MMP26: variants seen among roughly 807,000 people sequenced by gnomAD.
The protein encoded by MMP26 is matrix metallopeptidase 26, also known as matrix metalloproteinase-26.
In MMP26, 33 loss-of-function variants were observed where a neutral mutation model predicts 31.0. The ratio of observed to expected loss-of-function variants is 1.06; its 90% CI spans 0.81 to 1.42. MMP26 has a LOEUF of 1.42. Ranked by LOEUF, MMP26 falls within the 40% of genes most tolerant of loss-of-function variation. The probability of loss-of-function intolerance (pLI) is 0.00; values close to 1 mark genes in which losing one functional copy is unlikely to be tolerated. For missense variants in MMP26, 347 were observed against 316.1 expected (o/e 1.10, Z -0.74); for synonymous variants, 122 against 114.9 (o/e 1.06, Z -0.40).
chr11:4,986,954 TCTCTCC>T (rs1846907931), intron 2 of MMP26, among the ~76,000 whole-genome samples: 6 of 143,140 alleles, frequency 4.2e-5, no homozygotes, highest in East Asian at 2.1e-4. Context: ...TCTCTCTCTC[TCTCTCC>T]CTCTCTCTCT....
In MMP26 at chr11:4,841,261, A is replaced by G. The variant is rs60538579; in HGVS notation, c.-145+73920A>G. On this transcript the variant is annotated intron_variant, in intron 2 of 7. Coordinates refer to ENST00000380390, the MANE Select transcript of MMP26 (RefSeq NM_021801.5). ...AGAGTTAGAAAATTTATTTAAAGAG[A>G]TAATAACAGAGAACATCCCAAACCT... 9.4e-3 allele frequency among the ~76,000 whole-genome samples: 1,428 copies of G among 152,290 alleles called. 25 individuals are homozygous for G. The highest frequency in any genetic ancestry group is 0.033 in the African/African-American group (1,366 of 41,568).
intron 2 of MMP26, among the ~76,000 whole-genome samples, chr11:4,846,812 G>A (rs546798304): frequency 1.3e-5 from 2 of 152,306 alleles, no homozygotes; most frequent in South Asian, 4.1e-4. Flanking sequence ...GATTAACCAT[G>A]TTCACAGAAT....
intron 2 of MMP26, among the ~76,000 whole-genome samples, chr11:4,776,174 A>AT (rs1314978856): frequency 1.3e-5 from 2 of 151,946 alleles, no homozygotes; most frequent in Non-Finnish European, 2.9e-5. Context: ...CATATGCCAC[A>AT]TTTTCTTAAT....
chr11:4,907,789 G>A (rs1850923406), intron 2 of MMP26: 1 of 1,613,696 alleles, frequency 6.2e-7, no homozygotes, highest in South Asian at 1.1e-5. Flanking sequence ...CTAGCAACAG[G>A]GTTGCTAAAA....
chr11:4,936,407 T>A (rs1846113122), intron 2 of MMP26, among the ~76,000 whole-genome samples: 1 of 152,164 alleles, frequency 6.6e-6, no homozygotes, highest in Non-Finnish European at 1.5e-5. Flanking sequence ...TGTATTTCTG[T>A]AGGATTGGTG....
chr11:4,926,037 T>C (rs1851267733), intron 2 of MMP26, among the ~76,000 whole-genome samples: 1 of 152,110 alleles, frequency 6.6e-6, no homozygotes, highest in East Asian at 1.9e-4. Flanking sequence ...GTTGAGAACA[T>C]TCTTTCAAAA....
In MMP26 at chr11:4,946,332, T is replaced by C. The variant is rs755876518; in HGVS notation, c.-144-41736T>C. The C allele has an allele frequency of 2.0e-5, 32 of 1,613,810 alleles. 1 individual carries two copies. In the East Asian group the frequency reaches 7.1e-4, roughly 36 times the overall value. On this transcript the variant is annotated intron_variant, in intron 2 of 7. Coordinates refer to ENST00000380390, the MANE Select transcript of MMP26 (RefSeq NM_021801.5). ...AAGCGGTGGACAACGGCCAGGTTGA[T>C]GATGGGCAGGTAGAAGATGATCACT...
chr11:4,974,462 C>A (rs1025032153), intron 2 of MMP26, among the ~76,000 whole-genome samples: 8 of 151,792 alleles, frequency 5.3e-5, no homozygotes, highest in African/African-American at 1.9e-4. Context: ...AATACGTTGT[C>A]ATTCTTTATA....
chr11:4,792,623 A>G lies in MMP26; in HGVS notation c.-145+25282A>G, dbSNP rs750419815. Among the ~76,000 whole-genome samples the G allele has an allele frequency of 3.5e-4, 53 of 152,200 alleles. 1 individual carries two copies. Among genetic ancestry groups the G allele is most frequent in the Non-Finnish European group, 2.9e-4 (20 of 68,026 alleles). ...TCAGTAGAATGCACTACTTATCAAT[A>G]GTACTTGGGTCATTAGAAAACACGA... On this transcript the variant is annotated intron_variant, in intron 2 of 7. Coordinates refer to ENST00000380390, the MANE Select transcript of MMP26 (RefSeq NM_021801.5).
intron 2 of MMP26, among the ~76,000 whole-genome samples, chr11:4,785,895 G>A (rs1183606315): frequency 6.6e-6 from 1 of 152,128 alleles, no homozygotes; most frequent in Non-Finnish European, 1.5e-5. Context: ...TCCAGATCAG[G>A]GGCTCCATCT....
intron 2 of MMP26, among the ~76,000 whole-genome samples, chr11:4,829,607 T>A (rs1413502118): frequency 6.6e-6 from 1 of 152,148 alleles, no homozygotes; most frequent in African/African-American, 2.4e-5. Context: ...TGGGCATTAC[T>A]TTTTGTTTTG....
At chr11:4,951,272 G>T (rs1208157963) in intron 2 of MMP26, among the ~76,000 whole-genome samples, 7 of 124,018 alleles carry the variant, frequency 5.6e-5, no homozygotes, top group African/African-American at 1.9e-4. Context: ...TCCAGAATAA[G>T]TGCCATTAGT....
chr11:4,984,431 C>T (rs1846857840), intron 2 of MMP26, among the ~76,000 whole-genome samples: 8 of 152,148 alleles, frequency 5.3e-5, no homozygotes, highest in Admixed American at 4.6e-4. Flanking sequence ...ATCACTTGTC[C>T]TGTGTTGAGC....
intron 6 of MMP26, among the ~76,000 whole-genome samples, chr11:4,991,742 C>T (rs1439208307): frequency 6.6e-6 from 1 of 152,072 alleles, no homozygotes; most frequent in East Asian, 1.9e-4. Context: ...GTCCCTCTTT[C>T]TTTCCATGTG....
chr11:4,818,349 T>C (rs1303592626), intron 2 of MMP26, among the ~76,000 whole-genome samples: 3 of 152,022 alleles, frequency 2.0e-5, no homozygotes, highest in Non-Finnish European at 4.4e-5. Flanking sequence ...TATAAAATCA[T>C]CTATTTTATG....
At chr11:4,756,162 A>G (rs1048254258) in intron 1 of MMP26, among the ~76,000 whole-genome samples, 2 of 152,138 alleles carry the variant, frequency 1.3e-5, no homozygotes, top group Non-Finnish European at 2.9e-5. Context: ...TAAAGTGCAC[A>G]TTGAACATAA....
rs116323677 is a variant in MMP26, at chr11:4,771,449, G to A, written c.-145+4108G>A. 6.5e-3 allele frequency among the ~76,000 whole-genome samples: 995 copies of A among 152,212 alleles called. 14 individuals carry two copies. The highest frequency in any genetic ancestry group is 0.021 in the African/African-American group (887 of 41,510). On this transcript the variant is annotated intron_variant, in intron 2 of 7. Transcript: ENST00000380390. ...TGTAAAGTGATGGCTGCTGGCTTCC[G>A]GATACAGTAGACGTTTTCAGGAGAC...
chr11:4,782,741 G>A (rs1018091528), intron 2 of MMP26, among the ~76,000 whole-genome samples: 25 of 152,196 alleles, frequency 1.6e-4, no homozygotes, highest in African/African-American at 5.8e-4. Context: ...CCAGGCCCAA[G>A]GTCTCTGTGC....
At chr11:4,743,669 T>C (rs2133294562) in intron 1 of MMP26, among the ~76,000 whole-genome samples, 1 of 152,334 alleles carries the variant, frequency 6.6e-6, no homozygotes, top group East Asian at 1.9e-4. Context: ...GACAAATTAC[T>C]TCTTTTTGAG....
Sources: gnomAD v4.1 joint callset for allele counts (sites outside exome capture counted in the v4.1 genomes callset) on GRCh38, gnomAD v4.1.1 for gene constraint, MANE v1.5 for transcripts, NCBI Gene and HGNC (gene_info 2026-07-23, HGNC 2026-07-21) for gene names.